The following CCNH variants were observed in gnomAD, a reference collection of about 807,000 sequenced individuals.
CCNH encodes cyclin H.
CCNH carries 31 observed loss-of-function variants against 41.9 expected under a neutral mutation model. The observed-to-expected ratio is 0.74, with a 90% CI of 0.56 to 1.00. CCNH has a LOEUF of 1.00. Among genes scored for constraint, CCNH ranks in the 50% least tolerant of loss-of-function variants. CCNH has a pLI of 0.00. For synonymous variants in CCNH, 138 were observed against 136.1 expected (o/e 1.01, Z -0.10); for missense variants, 362 against 388.4 (o/e 0.93, Z 0.57).
At chr5:87,322,918 G>A (rs997000082) in intron 9 of CCNH, among the ~76,000 whole-genome samples, 1 of 152,202 alleles carries the variant, frequency 6.6e-6, no homozygotes, top group African/African-American at 2.4e-5. Context: ...GAAGAGAAGT[G>A]TGAGAGTGTC....
upstream of CCNH, among the ~76,000 whole-genome samples, chr5:87,379,302 T>C (rs1580392557): frequency 6.6e-6 from 1 of 152,152 alleles, no homozygotes; most frequent in African/African-American, 2.4e-5. Flanking sequence ...CTCTGGACTT[T>C]AGAGATAGGC....
chr5:87,388,679 A>G (rs887654747), downstream of CCNH, among the ~76,000 whole-genome samples: 3 of 152,230 alleles, frequency 2.0e-5, no homozygotes, highest in South Asian at 6.2e-4. Flanking sequence ...CCCACACATT[A>G]GCAAGTATTC....
intron 9 of CCNH, among the ~76,000 whole-genome samples, chr5:87,337,316 A>G (rs1758045564): frequency 6.6e-6 from 1 of 152,034 alleles, no homozygotes; most frequent in Non-Finnish European, 1.5e-5. Context: ...GTACTCTTAA[A>G]TTGGTAACAG....
intron 2 of CCNH, among the ~76,000 whole-genome samples, chr5:87,410,735 C>A (rs1322534745): frequency 6.6e-6 from 1 of 152,108 alleles, no homozygotes; most frequent in East Asian, 1.9e-4. Flanking sequence ...CAGAACCATA[C>A]ATCTGAAACA....
At chr5:87,341,330 G>A in intron 9 of CCNH, 1 of 1,329,040 alleles carries the variant, frequency 7.5e-7, no homozygotes, top group Non-Finnish European at 9.6e-7. Flanking sequence ...ATGTGAGTTT[G>A]TGTTAATTAT....
At chr5:87,363,552 A>C (rs1760272574) in intron 9 of CCNH, 1 of 1,580,202 alleles carries the variant, frequency 6.3e-7, no homozygotes, top group Non-Finnish European at 8.7e-7. Flanking sequence ...CTTAATAATA[A>C]AATAGTACAA....
intron 9 of CCNH, among the ~76,000 whole-genome samples, chr5:87,352,820 T>C (rs2112430765): frequency 6.6e-6 from 1 of 152,020 alleles, no homozygotes; most frequent in Admixed American, 6.6e-5. Flanking sequence ...GTATCTCATA[T>C]ATACTCTTGG....
At chr5:87,316,149 T>G (rs543078870), downstream of CCNH, among the ~76,000 whole-genome samples, 2 of 152,322 alleles carry the variant, frequency 1.3e-5, no homozygotes, top group Admixed American at 6.5e-5. Flanking sequence ...AAAAGCAAAT[T>G]ACAAGTATAA....
At chr5:87,385,501 A>G in intron 9 of CCNH, 2 of 811,916 alleles carry the variant, frequency 2.5e-6, no homozygotes, top group Non-Finnish European at 4.1e-6. Flanking sequence ...TAGCGATGAA[A>G]GATTATTTTT....
intron 9 of CCNH, among the ~76,000 whole-genome samples, chr5:87,321,263 A>G (rs568690835): frequency 1.3e-5 from 2 of 152,322 alleles, no homozygotes; most frequent in African/African-American, 2.4e-5. Flanking sequence ...TTACACCACA[A>G]CAATCAACAC....
downstream of CCNH, chr5:87,389,285 C>G: frequency 7.1e-7 from 1 of 1,417,002 alleles, no homozygotes; most frequent in African/African-American, 1.4e-5. Context: ...GAGCCGAGAT[C>G]ATGCCATTGC....
intron 9 of CCNH, among the ~76,000 whole-genome samples, chr5:87,365,241 C>G (rs1760422228): frequency 6.6e-6 from 1 of 152,042 alleles, no homozygotes. Flanking sequence ...AGATATTTAA[C>G]AAATGTTTTA....
At chr5:87,345,059 G>A (rs1033783647) in intron 9 of CCNH, among the ~76,000 whole-genome samples, 3 of 151,616 alleles carry the variant, frequency 2.0e-5, no homozygotes, top group Middle Eastern at 3.2e-3. Flanking sequence ...GGCTGGTCTT[G>A]GACTCTTGGG....
chr5:87,380,450 C>CT, upstream of CCNH: 3 of 1,431,920 alleles, frequency 2.1e-6, no homozygotes, highest in Non-Finnish European at 2.0e-6. Flanking sequence ...CTTTTGGCTG[C>CT]TAGGAGATCA....
upstream of CCNH, among the ~76,000 whole-genome samples, chr5:87,381,345 T>C (rs181481309): frequency 6.6e-6 from 1 of 152,330 alleles, no homozygotes; most frequent in African/African-American, 2.4e-5. Flanking sequence ...CTTTTGCTTT[T>C]GTTAAGCATA....
chr5:87,317,875 A>T (rs1006855310), downstream of CCNH, among the ~76,000 whole-genome samples: 3 of 152,052 alleles, frequency 2.0e-5, no homozygotes, highest in Admixed American at 6.6e-5. Flanking sequence ...AGCTCAAGCA[A>T]TCCGCCCACC....
At position 87,369,499 on chromosome 5, in the gene CCNH, A is replaced by G. The variant is rs76578424; in HGVS notation, c.*90+23271T>C. On this transcript the variant is annotated intron_variant and NMD_transcript_variant, in intron 9 of 9. Transcript: ENST00000645953. ...TTTCCAGTGCATATAAAGCTTTTCAAATTAGCTGTGTGCAGTTCTAGCAGT... is the reference window on the plus strand; with the variant it reads ...TTTCCAGTGCATATAAAGCTTTTCAGATTAGCTGTGTGCAGTTCTAGCAGT... 3.5e-4 allele frequency among the ~76,000 whole-genome samples: 53 copies of G among 152,260 alleles called. No homozygotes were observed. In the East Asian group the frequency reaches 8.1e-3, roughly 23 times the overall value.
intron 9 of CCNH, among the ~76,000 whole-genome samples, chr5:87,385,792 T>C (rs1391700502): frequency 2.0e-5 from 3 of 152,084 alleles, no homozygotes; most frequent in African/African-American, 4.8e-5. Flanking sequence ...TGATATTCAG[T>C]TGGGATCATA....
chr5:87,355,392 C>T (rs1759575718), intron 9 of CCNH, among the ~76,000 whole-genome samples: 1 of 152,182 alleles, frequency 6.6e-6, no homozygotes, highest in Non-Finnish European at 1.5e-5. Context: ...TGTGCCTGTG[C>T]TCTGTCAATG....
Sources: allele counts gnomAD v4.1 joint callset (sites outside exome capture counted in the v4.1 genomes callset), GRCh38; gene constraint gnomAD v4.1.1; transcripts MANE v1.5; gene names NCBI Gene and HGNC (gene_info 2026-07-23, HGNC 2026-07-21).